The following HS6ST2 variants were observed in gnomAD, a reference collection of about 807,000 sequenced individuals.
HS6ST2 encodes heparan sulfate 6-O-sulfotransferase 2.
In HS6ST2, 17 loss-of-function variants were observed where a neutral mutation model predicts 33.0. The observed-to-expected ratio is 0.52, with a 90% CI of 0.35 to 0.77. The LOEUF (loss-of-function observed/expected upper bound fraction) is 0.77. Among genes scored for constraint, HS6ST2 ranks in the 30% least tolerant of loss-of-function variants. HS6ST2 has a pLI of 0.01. For synonymous variants in HS6ST2, 248 were observed against 237.1 expected (o/e 1.05, Z -0.42); for missense variants, 519 against 551.7 (o/e 0.94, Z 0.59).
intron 2 of HS6ST2, among the ~76,000 whole-genome samples, chrX:132,780,582 G>A (rs2065008745): frequency 9.0e-6 from 1 of 111,388 alleles, no homozygotes; most frequent in African/African-American, 3.3e-5. Flanking sequence ...CTGGATTAGG[G>A]CCTGAAGCTA....
At chrX:132,815,616 C>T (rs1244755574) in intron 2 of HS6ST2, among the ~76,000 whole-genome samples, 1 of 112,019 alleles carries the variant, frequency 8.9e-6, no homozygotes, top group Non-Finnish European at 1.9e-5. Flanking sequence ...TGTTCTTGGG[C>T]AAGTCATTTC....
At chrX:132,667,356 A>G (rs1048396283) in intron 4 of HS6ST2, among the ~76,000 whole-genome samples, 11 of 112,026 alleles carry the variant, frequency 9.8e-5, no homozygotes, top group Admixed American at 8.5e-4. Context: ...AAAGTTACCT[A>G]TCTCAAAATG....
chrX:132,704,144 C>A (rs914653545), intron 3 of HS6ST2, among the ~76,000 whole-genome samples: 6 of 112,488 alleles, frequency 5.3e-5, no homozygotes, highest in Non-Finnish European at 1.1e-4. Flanking sequence ...CACACATTTG[C>A]TCTCACAAAA....
At chrX:132,861,457 G>C (rs180947148) in intron 2 of HS6ST2, among the ~76,000 whole-genome samples, 126 of 112,247 alleles carry the variant, frequency 1.1e-3, no homozygotes, top group African/African-American at 3.7e-3. Context: ...TATTAAGTCA[G>C]ACTGAATGAA....
intron 2 of HS6ST2, among the ~76,000 whole-genome samples, chrX:132,939,033 A>AGAGAGGGAGC (rs1211622627): frequency 9.0e-6 from 1 of 111,509 alleles, no homozygotes; most frequent in Non-Finnish European, 1.9e-5. Flanking sequence ...TCACATGGCA[A>AGAGAGGGAGC]GAGAGGGAGC....
At chrX:132,699,607 G>C (rs2064128025) in intron 3 of HS6ST2, among the ~76,000 whole-genome samples, 1 of 111,931 alleles carries the variant, frequency 8.9e-6, no homozygotes, top group Admixed American at 9.5e-5. Context: ...TTGAGACTCT[G>C]TATTTCATCT....
intron 2 of HS6ST2, among the ~76,000 whole-genome samples, chrX:132,911,551 C>T (rs1251853346): frequency 2.7e-5 from 3 of 111,219 alleles, no homozygotes; most frequent in East Asian, 2.8e-4. Context: ...CTTCCCCTGG[C>T]TTTGCTATGG....
chrX:132,628,667 C>A lies in HS6ST2; in HGVS notation c.1494G>T (p.Gln498His), dbSNP rs769892498. Residue 498 changes from glutamine (Q) to histidine (H), a missense_variant, in exon 5 of 5, where the codon CAG (glutamine) becomes CAT (histidine). Coordinates refer to ENST00000370833, the MANE Select transcript of HS6ST2 (RefSeq NM_001394073.1). ...FNMNFISPFT[Q>H]YNTTRASSVE... ...CACTAGAGGCCCTAGTGGTATTATACTGGGTAAATGGCGAAATAAAGTTCA... is the reference window on the plus strand; with the variant it reads ...CACTAGAGGCCCTAGTGGTATTATAATGGGTAAATGGCGAAATAAAGTTCA... 1 of 1,211,376 alleles carries A rather than the reference C, an allele frequency of 8.3e-7. No homozygotes were observed. Among genetic ancestry groups the A allele is most frequent in the South Asian group, 1.8e-5 (1 of 56,987 alleles).
At chrX:132,946,155 C>T (rs1405372417) in intron 2 of HS6ST2, among the ~76,000 whole-genome samples, 2 of 111,734 alleles carry the variant, frequency 1.8e-5, no homozygotes, top group Non-Finnish European at 3.8e-5. Context: ...GAAATAGGAA[C>T]ACTTTTACAC....
At chrX:132,933,188 C>A (rs1451216772) in intron 2 of HS6ST2, among the ~76,000 whole-genome samples, 1 of 109,110 alleles carries the variant, frequency 9.2e-6, no homozygotes, top group East Asian at 2.9e-4. Flanking sequence ...ATTGGCCAGG[C>A]ATGGTGGCAT....
rs1210231768 is a variant in HS6ST2 at position 132,787,216 on chromosome X, C to CAT, written c.948-78724_948-78723dup. On this transcript the variant is annotated intron_variant, in intron 2 of 4. Transcript: ENST00000370833. ...ATATATATACACATATATATATACA[C>CAT]ATATATATATACACATATATATACA... Among the ~76,000 whole-genome samples the CAT allele has an allele frequency of 2.5e-3, 184 of 75,005 alleles. 11 individuals carry two copies. The highest frequency in any genetic ancestry group is 0.013 in the Middle Eastern group (2 of 152). The allele number at this position is 75,005 out of a possible 115,157, so 65.1% of individuals were successfully genotyped here.
chrX:132,856,802 A>G (rs2065855833), intron 2 of HS6ST2, among the ~76,000 whole-genome samples: 1 of 112,076 alleles, frequency 8.9e-6, no homozygotes, highest in Non-Finnish European at 1.9e-5. Context: ...CAGGTACCAA[A>G]TTGTTTGGAA....
At chrX:132,797,057 G>A (rs959876273) in intron 2 of HS6ST2, among the ~76,000 whole-genome samples, 1 of 111,550 alleles carries the variant, frequency 9.0e-6, no homozygotes, top group Non-Finnish European at 1.9e-5. Context: ...CTGCCTGCTT[G>A]TCCTTAGCAA....
intron 2 of HS6ST2, among the ~76,000 whole-genome samples, chrX:132,809,519 T>G: frequency 8.9e-6 from 1 of 112,119 alleles, no homozygotes. Flanking sequence ...TTTCCTGAGC[T>G]CAGGCATTAC....
At chrX:132,957,876 G>T (rs921599012) in intron 1 of HS6ST2, among the ~76,000 whole-genome samples, 5 of 112,301 alleles carry the variant, frequency 4.5e-5, no homozygotes, top group Admixed American at 3.7e-4. Context: ...TTGCCCACCC[G>T]GTAGGCGGCC....
chrX:132,669,067 C>G (rs2063835046), intron 4 of HS6ST2, 46 bp downstream of exon 4: 3 of 917,625 alleles, frequency 3.3e-6, no homozygotes, highest in Admixed American at 4.7e-5. Context: ...CAGCACTTGA[C>G]TTTTTGACAG....
chrX:132,956,481 G>A (rs1238239089), intron 2 of HS6ST2, among the ~76,000 whole-genome samples: 2 of 111,744 alleles, frequency 1.8e-5, no homozygotes, highest in East Asian at 5.7e-4. Context: ...GCTCTTTAGG[G>A]CTCTCCAGTG....
intron 3 of HS6ST2, among the ~76,000 whole-genome samples, chrX:132,694,183 G>A (rs1203244685): frequency 9.0e-6 from 1 of 111,373 alleles, no homozygotes; most frequent in African/African-American, 3.3e-5. Flanking sequence ...GGATACAGAT[G>A]ATTCAAAAAC....
At chrX:132,703,447 T>C (rs1247815575) in intron 3 of HS6ST2, among the ~76,000 whole-genome samples, 1 of 112,658 alleles carries the variant, frequency 8.9e-6, no homozygotes, top group Non-Finnish European at 1.9e-5. Context: ...CATATGGTAG[T>C]AGCTCAAACA....
Sources: allele counts gnomAD v4.1 joint callset (sites outside exome capture counted in the v4.1 genomes callset), GRCh38; gene constraint gnomAD v4.1.1; transcripts MANE v1.5; gene names NCBI Gene and HGNC (gene_info 2026-07-23, HGNC 2026-07-21).